The following SLC22A25 variants were observed in gnomAD, a reference collection of about 807,000 sequenced individuals.
SLC22A25 encodes the protein solute carrier family 22 member 25, also known as MGI:2442751, MGI:2385316, MGI:3042283, MGI:3645714, MGI:3605624, MGI:2442750.
A neutral mutation model predicts 45.9 loss-of-function variants in SLC22A25; 44 were observed. The observed-to-expected ratio is 0.96, with a 90% confidence interval of 0.75 to 1.23. The LOEUF is 1.23. Ranked by LOEUF, SLC22A25 falls within the 50% of genes most tolerant of loss-of-function variation. SLC22A25 has a pLI of 0.00. For missense variants in SLC22A25, 800 were observed against 666.4 expected (o/e 1.20, Z -2.21); for synonymous variants, 283 against 238.6 (o/e 1.19, Z -1.72).
At chr11:63,210,197 C>G (rs2089519752) in intron 7 of SLC22A25, among the ~76,000 whole-genome samples, 1 of 152,102 alleles carries the variant, frequency 6.6e-6, no homozygotes, top group African/African-American at 2.4e-5. Context: ...TAAGATGAAA[C>G]CTTCAGAAGC....
chr11:63,171,442 T>C (rs2087881953), intron 9 of SLC22A25, among the ~76,000 whole-genome samples: 1 of 152,206 alleles, frequency 6.6e-6, no homozygotes, highest in Non-Finnish European at 1.5e-5. Flanking sequence ...CTTAAGCTGA[T>C]AAGCAACTTC....
At chr11:63,236,777 T>C (rs980703726) in intron 3 of SLC22A25, among the ~76,000 whole-genome samples, 4 of 152,126 alleles carry the variant, frequency 2.6e-5, no homozygotes, top group Admixed American at 2.0e-4. Context: ...CTGGAGCTGT[T>C]TCTATTTGGC....
intron 7 of SLC22A25, among the ~76,000 whole-genome samples, chr11:63,187,651 T>C (rs1270598248): frequency 6.6e-6 from 1 of 152,234 alleles, no homozygotes; most frequent in East Asian, 1.9e-4. Flanking sequence ...TTCCGGTTTT[T>C]GCCCATTCAG....
At chr11:63,179,184 T>G (rs1255824936) in intron 9 of SLC22A25, among the ~76,000 whole-genome samples, 4 of 152,144 alleles carry the variant, frequency 2.6e-5, no homozygotes, top group Non-Finnish European at 4.4e-5. Context: ...CTTGAACTCC[T>G]GACCTCAGGT....
chr11:63,202,621 G>T (rs2089281988), intron 7 of SLC22A25, among the ~76,000 whole-genome samples: 1 of 152,212 alleles, frequency 6.6e-6, no homozygotes, highest in South Asian at 2.1e-4. Flanking sequence ...TTCTCTCTGG[G>T]CAGGGCATCT....
rs141595767 is a variant in SLC22A25 at position 63,235,305 on chromosome 11, T to C, written c.-445+2576A>G. 5.4e-3 allele frequency among the ~76,000 whole-genome samples: 824 copies of C among 152,370 alleles called. 9 individuals are homozygous for C. The highest frequency in any genetic ancestry group is 0.019 in the African/African-American group (782 of 41,582). The stretch of plus-strand genomic sequence containing the variant: ...CCAGTTAGACGTAGATTTGTTCTTT[T>C]CACATAGTCCCATATTTCTTGGAGG... On this transcript the variant is annotated intron_variant, in intron 3 of 11. Coordinates refer to ENST00000306494, the MANE Select transcript of SLC22A25 (RefSeq NM_199352.6).
intron 1 of SLC22A25, among the ~76,000 whole-genome samples, chr11:63,242,318 C>T (rs146397107): frequency 1.3e-5 from 2 of 152,294 alleles, no homozygotes; most frequent in East Asian, 3.9e-4. Flanking sequence ...TCAGAACCAA[C>T]AACTGTATAG....
At position 63,217,445 on chromosome 11, in the gene SLC22A25, T is replaced by G. The variant is rs1234582586; in HGVS notation, c.699A>C (p.Ala233=). ...EWITHQFCAM[A]LTLTLCAASI... ...TAGCAGCACAAAGTGTCAATGTCAA[T>G]GCCATGGCACAGAATTGGTGAGTTA... Residue 233 remains alanine, a synonymous_variant, in exon 7 of 12, where the codon GCA becomes GCC. Coordinates refer to ENST00000306494, the MANE Select transcript of SLC22A25 (RefSeq NM_199352.6). 2 of 1,613,952 alleles carry G rather than the reference T, an allele frequency of 1.2e-6. No homozygotes were observed. Among genetic ancestry groups the G allele is most frequent in the African/African-American group, 2.7e-5 (2 of 74,930 alleles).
At chr11:63,187,370 G>A (rs1421571238) in intron 7 of SLC22A25, among the ~76,000 whole-genome samples, 1 of 152,170 alleles carries the variant, frequency 6.6e-6, no homozygotes. Context: ...GTATAAGAAT[G>A]CTTGTGATTT....
At chr11:63,191,162 A>G (rs1450270918) in intron 7 of SLC22A25, among the ~76,000 whole-genome samples, 2 of 152,234 alleles carry the variant, frequency 1.3e-5, no homozygotes, top group Non-Finnish European at 2.9e-5. Flanking sequence ...CTACAAAGGC[A>G]GGCAGGCCTC....
At chr11:63,217,548 C>A in intron 6 of SLC22A25, 33 bp downstream of exon 6, 1 of 1,609,790 alleles carries the variant, frequency 6.2e-7, no homozygotes, top group South Asian at 1.1e-5. Flanking sequence ...AAAGCCAAGG[C>A]TTGGAAAATG....
At chr11:63,204,542 A>G (rs1257371972) in intron 7 of SLC22A25, among the ~76,000 whole-genome samples, 1 of 151,964 alleles carries the variant, frequency 6.6e-6, no homozygotes, top group Non-Finnish European at 1.5e-5. Flanking sequence ...TTTAAACCAA[A>G]AAAGATCAAA....
Position 63,164,608 on chromosome 11 carries a change from C to G in SLC22A25, c.1312G>C (p.Ala438Pro). The G allele has an allele frequency of 6.2e-7, 1 of 1,613,736 alleles. No homozygotes were observed. The highest frequency in any genetic ancestry group is 8.5e-7 in the Non-Finnish European group (1 of 1,179,782). ...QEMQTLRVVL[A>P]TLGVGAASLG... is the part of the protein sequence containing the mutation. ...GAAGCAGCTCCCACACCCAGGGTTG[C>G]CAAAACCACACGCAGGGTCTGCATT... The change falls in exon 11 of 12, where the codon GCA becomes CCA. Residue 438 changes from alanine to proline, a missense_variant. Transcript: ENST00000306494.
At chr11:63,201,982 A>G (rs1347133293) in intron 7 of SLC22A25, among the ~76,000 whole-genome samples, 3 of 152,122 alleles carry the variant, frequency 2.0e-5, no homozygotes, top group Admixed American at 6.6e-5. Context: ...CAGTGGGTGC[A>G]GCTCACAGAG....
intron 3 of SLC22A25, among the ~76,000 whole-genome samples, chr11:63,234,233 G>A (rs2090123675): frequency 6.6e-6 from 1 of 152,162 alleles, no homozygotes; most frequent in Admixed American, 6.5e-5. Context: ...TGTTGACAGT[G>A]GGGTGTTAAA....
chr11:63,205,450 A>G (rs555140869), intron 7 of SLC22A25, among the ~76,000 whole-genome samples: 8 of 152,326 alleles, frequency 5.3e-5, no homozygotes, highest in Non-Finnish European at 1.0e-4. Context: ...AAATTGGCAC[A>G]ATAAAAAATG....
At chr11:63,215,235 T>C (rs1433239406) in intron 7 of SLC22A25, among the ~76,000 whole-genome samples, 5 of 152,092 alleles carry the variant, frequency 3.3e-5, no homozygotes, top group Non-Finnish European at 5.9e-5. Flanking sequence ...ATATACACCA[T>C]AGAATATTAT....
At chr11:63,174,529 G>A (rs549618537) in intron 9 of SLC22A25, among the ~76,000 whole-genome samples, 64 of 152,212 alleles carry the variant, frequency 4.2e-4, no homozygotes, top group African/African-American at 1.4e-3. Context: ...TCCTGTGAAA[G>A]GCACTGAAAT....
intron 7 of SLC22A25, among the ~76,000 whole-genome samples, chr11:63,186,396 T>A (rs534752361): frequency 6.6e-6 from 1 of 151,132 alleles, no homozygotes; most frequent in African/African-American, 2.4e-5. Context: ...GGATTGTTTG[T>A]TTTTTTCTTG....
Sources: gnomAD v4.1 joint callset for allele counts (sites outside exome capture counted in the v4.1 genomes callset) on GRCh38, gnomAD v4.1.1 for gene constraint, MANE v1.5 for transcripts, NCBI Gene and HGNC (gene_info 2026-07-23, HGNC 2026-07-21) for gene names.